The following ARL6IP4 variants were observed in gnomAD, a reference collection of about 807,000 sequenced individuals.
ARL6IP4 encodes ADP-ribosylation factor-like protein 6-interacting protein 4.
A neutral mutation model predicts 28.1 loss-of-function variants in ARL6IP4; 24 were observed. The ratio of observed to expected loss-of-function variants is 0.86; its 90% CI spans 0.62 to 1.20. ARL6IP4 has a LOEUF of 1.20. Ranked by LOEUF, ARL6IP4 falls within the 50% of genes most tolerant of loss-of-function variation. The probability of loss-of-function intolerance (pLI) is 0.00; values close to 1 mark genes in which losing one functional copy is unlikely to be tolerated. For synonymous variants in ARL6IP4, 162 were observed against 122.3 expected (o/e 1.32, Z -2.14); for missense variants, 343 against 302.4 (o/e 1.13, Z -1.00).
At position 122,980,869 on chromosome 12, in the gene ARL6IP4, C is replaced by T. The variant is rs2037614012; in HGVS notation, c.-12+124C>T. On this transcript the variant is annotated intron_variant, in intron 1 of 5. Transcript: ENST00000315580. ...CACTCGCGGCGGACGGCGGCCAGTT[C>T]CCAGGGGTTTGGAGCCGGGTGCGCA... 3 of 1,346,580 alleles carry T rather than the reference C, an allele frequency of 2.2e-6. No individual in the cohort carries two copies. In the South Asian group the frequency reaches 5.9e-5, roughly 26 times the overall value. 83.4% of individuals were successfully genotyped at this position (1,346,580 alleles called of 1,614,324 possible).
chr12:122,980,396 G>T, upstream of ARL6IP4: 1 of 1,372,018 alleles, frequency 7.3e-7, no homozygotes. Flanking sequence ...GTATGGAGAG[G>T]GCAGGACCAG....
chr12:122,980,615 A>G, upstream of ARL6IP4: 2 of 1,412,140 alleles, frequency 1.4e-6, no homozygotes, highest in Non-Finnish European at 1.8e-6. Context: ...GGGGCGTCAG[A>G]ACGAAAGGCA....
At chr12:122,980,460 G>T (rs2037592565), upstream of ARL6IP4, 2 of 1,364,548 alleles carry the variant, frequency 1.5e-6, no homozygotes, top group Non-Finnish European at 9.4e-7. Context: ...GGCACCGGGG[G>T]CGTGGGTGCT....
In ARL6IP4 at chr12:122,981,203, G is replaced by T. The variant is rs771942726; in HGVS notation, c.64G>T (p.Glu22Ter). Reference sequence around the variant, plus strand: ...CAGCCGGTCCCGGGGACGGGGGTCGGAAAAGAGAAAGAAGAAGAGCAGGAA... The same window carrying T: ...CAGCCGGTCCCGGGGACGGGGGTCGTAAAAGAGAAAGAAGAAGAGCAGGAA... ...SRSRSRGRGS[E>*]KRKKKSRKDT... The change falls in exon 2 of 6, where the codon GAA (glutamate) becomes TAA (stop). Residue 22 changes from glutamate to a stop codon, truncating the protein, a stop_gained. Transcript: ENST00000315580. LOFTEE classifies it high-confidence loss of function. 49 of 1,549,772 alleles carry T rather than the reference G, an allele frequency of 3.2e-5. No individual in the cohort carries two copies. Among genetic ancestry groups the T allele is most frequent in the Middle Eastern group, 1.7e-4 (1 of 5,984 alleles).
chr12:122,981,343 C>T (rs1238309302), intron 2 of ARL6IP4, 44 bp downstream of exon 2: 13 of 1,514,792 alleles, frequency 8.6e-6, no homozygotes, highest in Admixed American at 6.5e-5. Context: ...AGTTACTACC[C>T]GGGGAAGTCG....
intron 3 of ARL6IP4, 34 bp from the exon 4 acceptor site, chr12:122,981,923 A>G (rs749784162): frequency 1.2e-5 from 19 of 1,613,490 alleles, no homozygotes; most frequent in Non-Finnish European, 1.6e-5. Flanking sequence ...GTCGCTTCCC[A>G]AGGCCTGGCC....
chr12:122,981,794 G>C lies in ARL6IP4; in HGVS notation c.384G>C (p.Lys128Asn), dbSNP rs1466756531. The C allele has an allele frequency of 4.4e-6, 7 of 1,595,424 alleles. No homozygotes were observed. The African/African-American group carries it at 8.0e-5, about 18-fold the overall frequency. Reference protein sequence around the residue: ...RKKLKKKGKEKAEAQQVEALP... With the variant: ...RKKLKKKGKENAEAQQVEALP... The stretch of plus-strand genomic sequence containing the variant: ...AGCTGAAGAAGAAGGGCAAGGAGAA[G>C]GCGGAAGCACAGCAGGTGGAGGCTC... The change falls in exon 3 of 6, where the codon AAG becomes AAC. Residue 128 changes from lysine to asparagine, a missense_variant. Coordinates refer to ENST00000315580, the MANE Select transcript of ARL6IP4 (RefSeq NM_018694.4).
At position 122,982,594 on chromosome 12, in the gene ARL6IP4, C is replaced by T. The variant is rs533129183; in HGVS notation, c.658-26C>T. The T allele has an allele frequency of 6.2e-6, 10 of 1,614,206 alleles. No individual in the cohort carries two copies. The East Asian group carries it at 2.2e-4, about 36-fold the overall frequency. Reference sequence around the variant, plus strand: ...CCCCAGCTCTGTTTGTGATGTACCCCTCCTCCTGTGTGCTTTCTTCCCCAG... The same window carrying T: ...CCCCAGCTCTGTTTGTGATGTACCCTTCCTCCTGTGTGCTTTCTTCCCCAG... On this transcript the variant is annotated intron_variant, in intron 5 of 5. Transcript: ENST00000315580.
chr12:122,980,862 G>A (rs2037613875), intron 1 of ARL6IP4, 117 bp downstream of exon 1: 2 of 1,334,372 alleles, frequency 1.5e-6, no homozygotes, highest in South Asian at 4.2e-5. Flanking sequence ...GCGGACGGCG[G>A]CCAGTTCCCA....
chr12:122,980,665 C>A, upstream of ARL6IP4: 1 of 1,365,274 alleles, frequency 7.3e-7, no homozygotes, highest in Non-Finnish European at 9.4e-7. Flanking sequence ...TCCCGCGCAG[C>A]GCCCCGGCCG....
At chr12:122,980,837 C>T in intron 1 of ARL6IP4, 92 bp downstream of exon 1, 1 of 1,332,552 alleles carries the variant, frequency 7.5e-7, no homozygotes, top group Non-Finnish European at 9.5e-7. Flanking sequence ...GAAAGCGCCC[C>T]AGACGCCACT....
At chr12:122,982,366 G>A in intron 4 of ARL6IP4, 103 bp from the exon 5 acceptor site, 1 of 1,159,794 alleles carries the variant, frequency 8.6e-7, no homozygotes, top group African/African-American at 1.5e-5. Flanking sequence ...AAGGCTGCGG[G>A]GTGGGAGCCC....
Position 122,982,710 on chromosome 12 carries a change from T to G in ARL6IP4, c.*34T>G. The G allele has an allele frequency of 1.2e-6, 2 of 1,603,618 alleles. No individual in the cohort carries two copies. Among genetic ancestry groups the G allele is most frequent in the Non-Finnish European group, 1.7e-6 (2 of 1,173,028 alleles). On this transcript the variant is annotated 3_prime_UTR_variant, in exon 6 of 6. Transcript: ENST00000315580. ...GCTGGCCAAGGCCTGTGGACGACGCTGGCGGCCCAGCCTGGGCAGGTTTCA... is the reference window on the plus strand; with the variant it reads ...GCTGGCCAAGGCCTGTGGACGACGCGGGCGGCCCAGCCTGGGCAGGTTTCA...
At chr12:122,982,103 A>G (rs2037702302) in intron 4 of ARL6IP4, 29 bp downstream of exon 4, 1 of 1,600,826 alleles carries the variant, frequency 6.2e-7, no homozygotes, top group South Asian at 1.1e-5. Flanking sequence ...GACTTACACC[A>G]CAGGATCTGG....
rs1317417451 is a variant in ARL6IP4 at position 122,981,133 on chromosome 12, C to A, written c.-7C>A. Reference sequence around the variant, plus strand: ...GCGCGTCTTCTTCGTCGCCAGCCCGCGGCGCCATGGCTCACGTCGGCTCCC... The same window carrying A: ...GCGCGTCTTCTTCGTCGCCAGCCCGAGGCGCCATGGCTCACGTCGGCTCCC... On this transcript the variant is annotated 5_prime_UTR_variant, in exon 2 of 6. Transcript: ENST00000315580. 1 of 1,547,788 alleles carries A rather than the reference C, an allele frequency of 6.5e-7. No individual in the cohort carries two copies. The highest frequency in any genetic ancestry group is 8.7e-7 in the Non-Finnish European group (1 of 1,145,892).
intron 1 of ARL6IP4, 158 bp downstream of exon 1, chr12:122,980,903 G>C: frequency 2.2e-6 from 3 of 1,360,100 alleles, no homozygotes; most frequent in Non-Finnish European, 2.8e-6. Flanking sequence ...CAGGCGTGGG[G>C]CCTCCGGGCA....
chr12:122,980,720 G>A lies in ARL6IP4; in HGVS notation c.-37G>A, dbSNP rs1319989522. On this transcript the variant is annotated 5_prime_UTR_variant, in exon 1 of 6. Transcript: ENST00000315580. ...TTCCTCTCGAGAAGGCGCGGGGCGG[G>A]CTGTCCGGCCCGCAGGGCGGTCGAG... 2 of 1,325,790 alleles carry A rather than the reference G, an allele frequency of 1.5e-6. No homozygotes were observed. The highest frequency in any genetic ancestry group is 3.1e-5 in the African/African-American group (2 of 64,806). 82.1% of individuals were successfully genotyped at this position (1,325,790 alleles called of 1,614,324 possible).
chr12:122,981,521 A>C (rs1170704986), intron 2 of ARL6IP4, 50 bp from the exon 3 acceptor site: 1 of 1,472,640 alleles, frequency 6.8e-7, no homozygotes, highest in Non-Finnish European at 9.0e-7. Context: ...TGCCTGCCCC[A>C]GGCCAGAGCA....
In ARL6IP4 at chr12:122,981,989, G is replaced by A. The variant is rs755471860; in HGVS notation, c.502G>A (p.Ala168Thr). 6.2e-7 allele frequency: 1 copy of A among 1,613,748 alleles called. No homozygotes were observed. The highest frequency in any genetic ancestry group is 8.5e-7 in the Non-Finnish European group (1 of 1,180,032). ...LTDEQKSRIQ[A>T]MKPMTKEEWD... ...GGATGAGCAGAAGTCCCGAATCCAGGCCATGAAGCCCATGACCAAGGAGGA... is the reference window on the plus strand; with the variant it reads ...GGATGAGCAGAAGTCCCGAATCCAGACCATGAAGCCCATGACCAAGGAGGA... Residue 168 changes from alanine to threonine, a missense_variant, in exon 4 of 6, where the codon GCC becomes ACC. Ala to Thr is a moderately conservative substitution (Grantham distance 58). Transcript: ENST00000315580.
Sources: allele counts gnomAD v4.1 joint callset, GRCh38; gene constraint gnomAD v4.1.1; transcripts MANE v1.5; gene names NCBI Gene and HGNC (gene_info 2026-07-23, HGNC 2026-07-21).